TRIO: variants seen among roughly 807,000 people sequenced by gnomAD.
TRIO encodes the protein triple functional domain protein.
TRIO carries 58 observed loss-of-function variants against 351.9 expected under a neutral mutation model. The ratio of observed to expected loss-of-function variants is 0.16; its 90% CI spans 0.13 to 0.21. The LOEUF (loss-of-function observed/expected upper bound fraction) is 0.21, where lower values mean the gene tolerates loss of function less well. Ranked by LOEUF, TRIO falls within the 10% of genes least tolerant of loss-of-function variation. TRIO has a pLI of 1.00. For missense variants in TRIO, 3,201 were observed against 4,027.8 expected (o/e 0.79, Z 5.56); for synonymous variants, 1,758 against 1,595.7 (o/e 1.10, Z -2.42).
At chr5:14,419,012 C>T (rs543366328) in intron 33 of TRIO, among the ~76,000 whole-genome samples, 12 of 151,996 alleles carry the variant, frequency 7.9e-5, no homozygotes, top group Admixed American at 3.3e-4. Context: ...TTTGAAGGAC[C>T]GGAAGAGTTT....
intron 15 of TRIO, 117 bp downstream of exon 15, chr5:14,364,933 C>G (rs1744466047): frequency 1.1e-5 from 14 of 1,299,874 alleles, no homozygotes; most frequent in Non-Finnish European, 1.4e-5. Context: ...CAGAACACAG[C>G]TTTCCTGATA....
chr5:14,212,864 T>G (rs1484219356), intron 1 of TRIO, among the ~76,000 whole-genome samples: 2 of 152,054 alleles, frequency 1.3e-5, no homozygotes, highest in South Asian at 2.1e-4. Context: ...CTCATACTTG[T>G]TCATTTATTT....
At chr5:14,291,788 TAAAAAAAAAAAAA>T (rs57424190) in intron 5 of TRIO, among the ~76,000 whole-genome samples, 3 of 101,014 alleles carry the variant, frequency 3.0e-5, no homozygotes, top group African/African-American at 8.9e-5. Context: ...GACTCCGTCT[TAAAAAAAAAAAAA>T]AAAAAAAAAA....
At chr5:14,476,063 T>C (rs992863928) in intron 40 of TRIO, among the ~76,000 whole-genome samples, 2 of 152,254 alleles carry the variant, frequency 1.3e-5, no homozygotes, top group Non-Finnish European at 2.9e-5. Context: ...GTTTATAACC[T>C]AGAAGTTGAT....
chr5:14,204,373 G>C (rs759944632), intron 1 of TRIO, among the ~76,000 whole-genome samples: 1 of 152,160 alleles, frequency 6.6e-6, no homozygotes, highest in Non-Finnish European at 1.5e-5. Flanking sequence ...GATGGTCACA[G>C]AGGAGGAAGA....
At chr5:14,448,022 TAAG>T (rs1014985579) in intron 34 of TRIO, among the ~76,000 whole-genome samples, 1 of 152,214 alleles carries the variant, frequency 6.6e-6, no homozygotes, top group Non-Finnish European at 1.5e-5. Flanking sequence ...ATAGAGAAAT[TAAG>T]AATCAAGAAC....
At chr5:14,183,285 T>G (rs759081020) in intron 1 of TRIO, among the ~76,000 whole-genome samples, 19 of 152,068 alleles carry the variant, frequency 1.2e-4, no homozygotes, top group Non-Finnish European at 2.2e-4. Context: ...CCCTTGGGAG[T>G]CATTTTTTTG....
intron 1 of TRIO, among the ~76,000 whole-genome samples, chr5:14,152,740 C>T (rs961683968): frequency 6.6e-6 from 1 of 152,174 alleles, no homozygotes; most frequent in African/African-American, 2.4e-5. Context: ...GTCTTGGGTC[C>T]AGGAGCCTGG....
At chr5:14,360,327 G>A (rs730184) in intron 13 of TRIO, among the ~76,000 whole-genome samples, 40,504 of 151,842 alleles carry the variant, frequency 0.27, 6,370 homozygotes, top group Middle Eastern at 0.38. Context: ...GATACCATGC[G>A]AGCAGAAGTC....
At chr5:14,352,575 G>A (rs912771786) in intron 11 of TRIO, among the ~76,000 whole-genome samples, 1 of 152,168 alleles carries the variant, frequency 6.6e-6, no homozygotes, top group African/African-American at 2.4e-5. Flanking sequence ...TCATTATGAT[G>A]TGTGCCCATT....
intron 1 of TRIO, among the ~76,000 whole-genome samples, chr5:14,217,171 G>A (rs1013676789): frequency 2.0e-5 from 3 of 152,162 alleles, no homozygotes; most frequent in Non-Finnish European, 4.4e-5. Flanking sequence ...TTGTTACTAA[G>A]CATACCTGGA....
At position 14,487,489 on chromosome 5, in the gene TRIO, G is replaced by A. The variant is rs1306385579; in HGVS notation, c.6861G>A (p.Gln2287=). Residue 2287 remains glutamine (Q), a synonymous_variant, in exon 48 of 57, where the codon CAG becomes CAA. Coordinates refer to ENST00000344204, the MANE Select transcript of TRIO (RefSeq NM_007118.4). ...CCTTGACATCGCCAATCGAGTACCA[G>A]AGGAACCACAGCGGGGGCGGCGGCG... ...LNALTSPIEY[Q]RNHSGGGGGG... is the part of the protein sequence containing the mutation. 9.1e-7 allele frequency: 1 copy of A among 1,093,602 alleles called. No individual in the cohort carries two copies. The highest frequency in any genetic ancestry group is 1.1e-6 in the Non-Finnish European group (1 of 882,448). The allele number at this position is 1,093,602 out of a possible 1,614,324, so 67.7% of individuals were successfully genotyped here.
chr5:14,492,519 G>A (rs370307887), intron 48 of TRIO, 48 bp from the exon 49 acceptor site: 17 of 1,598,292 alleles, frequency 1.1e-5, no homozygotes, highest in African/African-American at 1.3e-5. Flanking sequence ...ATCAGGTCTC[G>A]TTTCAGTTCC....
At chr5:14,359,656 A>G in intron 13 of TRIO, 125 bp downstream of exon 13, 1 of 1,156,132 alleles carries the variant, frequency 8.6e-7, no homozygotes, top group Non-Finnish European at 1.2e-6. Flanking sequence ...AACCCTCTGC[A>G]CCAGGAGGGG....
At chr5:14,272,763 C>T (rs1796051436) in intron 2 of TRIO, among the ~76,000 whole-genome samples, 1 of 152,168 alleles carries the variant, frequency 6.6e-6, no homozygotes, top group Non-Finnish European at 1.5e-5. Context: ...ACTGGCAAAG[C>T]TGATTAGCAT....
chr5:14,379,818 G>T (rs747623372), intron 20 of TRIO, among the ~76,000 whole-genome samples: 2 of 152,204 alleles, frequency 1.3e-5, no homozygotes, highest in Non-Finnish European at 2.9e-5. Context: ...GCGTGCTGTT[G>T]CAGGTGGTGC....
intron 1 of TRIO, among the ~76,000 whole-genome samples, chr5:14,266,931 C>G (rs1416998163): frequency 6.6e-6 from 1 of 152,270 alleles, no homozygotes; most frequent in Middle Eastern, 3.4e-3. Flanking sequence ...AGATAAGCCT[C>G]GACTGACTCC....
At chr5:14,313,864 T>G (rs1739143460) in intron 8 of TRIO, among the ~76,000 whole-genome samples, 2 of 152,202 alleles carry the variant, frequency 1.3e-5, no homozygotes, top group South Asian at 4.2e-4. Flanking sequence ...TTTTTTACTT[T>G]TGTATATTGG....
At chr5:14,361,714 C>T (rs1744167160) in intron 13 of TRIO, among the ~76,000 whole-genome samples, 1 of 152,210 alleles carries the variant, frequency 6.6e-6, no homozygotes, top group Non-Finnish European at 1.5e-5. Flanking sequence ...GACAGTCCTC[C>T]TGTGGAGAAG....
Sources: allele counts gnomAD v4.1 joint callset (sites outside exome capture counted in the v4.1 genomes callset), GRCh38; gene constraint gnomAD v4.1.1; transcripts MANE v1.5; gene names NCBI Gene and HGNC (gene_info 2026-07-23, HGNC 2026-07-21).